The following CRACDL variants were observed in gnomAD, a reference collection of about 807,000 sequenced individuals.
The protein encoded by CRACDL is CRACD like, also known as CRACD-like protein.
Under a neutral mutation model 70.6 loss-of-function variants are expected in CRACDL, and 26 were observed. The observed-to-expected ratio is 0.37, with a 90% CI of 0.27 to 0.51. The LOEUF is 0.51. Among genes scored for constraint, CRACDL ranks in the 20% least tolerant of loss-of-function variants. CRACDL has a pLI of 0.94. For missense variants in CRACDL, 1,283 were observed against 1,376.9 expected, an observed-to-expected ratio of 0.93 and a Z score of 1.08; for synonymous variants, 618 against 615.2, an observed-to-expected ratio of 1.00 and a Z score of -0.07.
At chr2:98,900,591 A>C (rs2104655608) in intron 1 of CRACDL, among the ~76,000 whole-genome samples, 1 of 152,202 alleles carries the variant, frequency 6.6e-6, no homozygotes, top group South Asian at 2.1e-4. Context: ...CTGTGTGCAC[A>C]CGTTTGTGCA....
At chr2:98,796,842 T>G (rs1703843924) in intron 8 of CRACDL, among the ~76,000 whole-genome samples, 1 of 152,130 alleles carries the variant, frequency 6.6e-6, no homozygotes, top group Non-Finnish European at 1.5e-5. Flanking sequence ...CTGCCTTCAA[T>G]TCAGAGTACA....
chr2:98,852,547 CAA>C (rs1480948674), intron 1 of CRACDL, among the ~76,000 whole-genome samples: 1 of 151,634 alleles, frequency 6.6e-6, no homozygotes, highest in Non-Finnish European at 1.5e-5. Flanking sequence ...AAATAGCCAA[CAA>C]AGACTTTAAA....
At chr2:98,838,097 A>C in intron 3 of CRACDL, 22 bp downstream of exon 3, 1 of 1,584,648 alleles carries the variant, frequency 6.3e-7, no homozygotes, top group Non-Finnish European at 8.6e-7. Flanking sequence ...TCCTGGCCCG[A>C]GGGATGTAAA....
chr2:98,823,840 G>GTGTCTGCT lies in CRACDL; in HGVS notation c.736-311_736-304dup, dbSNP rs1705198843. Among the ~76,000 whole-genome samples the GTGTCTGCT allele has an allele frequency of 6.6e-6, 1 of 152,228 alleles. No homozygotes were observed. The highest frequency in any genetic ancestry group is 2.1e-4 in the South Asian group (1 of 4,836). ...AAGGGAAGGCGACCAACAGCAGCCA[G>GTGTCTGCT]TGTCTGCTATGCTCTGTGCTCCCAC... On this transcript the variant is annotated intron_variant, in intron 6 of 9. Coordinates refer to ENST00000397899, the MANE Select transcript of CRACDL (RefSeq NM_207362.3). This position sits in a 1 kb window ranked among gnomAD's most constrained non-coding sequence, Gnocchi z 4.0.
At chr2:98,850,225 A>G (rs1706427123) in intron 1 of CRACDL, among the ~76,000 whole-genome samples, 1 of 152,224 alleles carries the variant, frequency 6.6e-6, no homozygotes, top group Non-Finnish European at 1.5e-5. Flanking sequence ...ACTGCCAGGT[A>G]AGTGATGAAA....
At chr2:98,889,315 G>A (rs1185372668) in intron 1 of CRACDL, among the ~76,000 whole-genome samples, 9 of 139,834 alleles carry the variant, frequency 6.4e-5, no homozygotes, top group African/African-American at 2.8e-4. Flanking sequence ...AAGAAAGAAA[G>A]AAAGAAAGAA....
At position 98,846,832 on chromosome 2, in the gene CRACDL, C is replaced by T. The variant is rs188266636; in HGVS notation, c.-10-22G>A. The stretch of plus-strand genomic sequence containing the variant: ...CTCGCTGAAATTATATGGAAATTCA[C>T]GTTAAAGAAACATGGTTAGCAGAAG... On this transcript the variant is annotated intron_variant, in intron 1 of 9. Coordinates refer to ENST00000397899, the MANE Select transcript of CRACDL (RefSeq NM_207362.3). 4.7e-5 allele frequency: 75 copies of T among 1,592,588 alleles called. No homozygotes were observed. In the African/African-American group the frequency reaches 7.4e-4, roughly 16 times the overall value.
Position 98,821,188 on chromosome 2 carries a change from ATCTC to A in CRACDL, c.2416+665_2416+668del, listed in dbSNP as rs536420768. Among the ~76,000 whole-genome samples, 1,264 of 152,046 alleles carry A rather than the reference ATCTC, an allele frequency of 8.3e-3. 10 individuals are homozygous for A. Among genetic ancestry groups the A allele is most frequent in the Non-Finnish European group, 0.014 (918 of 67,956 alleles). ...TTTTCTACTCTTTATTCCTTATTTT[ATCTC>A]TCTCTTTTTAAAACAGACAGGGTCT... On this transcript the variant is annotated intron_variant, in intron 7 of 9. Transcript: ENST00000397899.
intron 7 of CRACDL, 73 bp downstream of exon 7, chr2:98,821,784 G>A: frequency 6.5e-7 from 1 of 1,545,156 alleles, no homozygotes; most frequent in Non-Finnish European, 8.7e-7. Flanking sequence ...TTTGGCGAGT[G>A]TCCAGCAAGA....
At chr2:98,803,465 T>C (rs1402489316) in intron 7 of CRACDL, among the ~76,000 whole-genome samples, 1 of 152,228 alleles carries the variant, frequency 6.6e-6, no homozygotes, top group Non-Finnish European at 1.5e-5. Flanking sequence ...AGAAACTTTT[T>C]CTTTTCATAA....
intron 2 of CRACDL, among the ~76,000 whole-genome samples, chr2:98,839,869 T>C (rs1705946900): frequency 6.6e-6 from 1 of 152,240 alleles, no homozygotes; most frequent in Non-Finnish European, 1.5e-5. Flanking sequence ...GCCTCTTTTC[T>C]CACCCTGATA....
rs750928579 is a variant in CRACDL at position 98,796,201 on chromosome 2, C to G, written c.2668G>C (p.Ala890Pro). 2.8e-5 allele frequency: 45 copies of G among 1,614,012 alleles called. No homozygotes were observed. In the Admixed American group the frequency reaches 5.8e-4, roughly 21 times the overall value. ...TTTGCCCCCTGCTTCCGGTCCACAGCGGGCTTCACAGGGGTTATCAGGAAA... is the reference window on the plus strand; with the variant it reads ...TTTGCCCCCTGCTTCCGGTCCACAGGGGGCTTCACAGGGGTTATCAGGAAA... The part of the protein sequence containing the change: ...KSFLITPVKP[A>P]VDRKQGAKLN... Residue 890 changes from alanine to proline, a missense_variant, in exon 9 of 10, where the codon GCT becomes CCT. This residue lies in a region of CRACDL where 921 missense variants were observed against 881.9 expected (regional missense o/e 1.04). Transcript: ENST00000397899.
At chr2:98,801,791 A>T (rs1704087701) in intron 7 of CRACDL, among the ~76,000 whole-genome samples, 1 of 152,200 alleles carries the variant, frequency 6.6e-6, no homozygotes, top group Non-Finnish European at 1.5e-5. Context: ...GGTTGTGAAG[A>T]TTCTGTGAGA....
intron 1 of CRACDL, among the ~76,000 whole-genome samples, chr2:98,926,591 A>G (rs1242633831): frequency 1.3e-5 from 2 of 152,136 alleles, no homozygotes; most frequent in African/African-American, 4.8e-5. Context: ...GTCTCCTGGA[A>G]CCCTTCCTCA....
At chr2:98,878,757 A>G (rs1490536784) in intron 1 of CRACDL, among the ~76,000 whole-genome samples, 2 of 152,208 alleles carry the variant, frequency 1.3e-5, no homozygotes, top group Non-Finnish European at 2.9e-5. Flanking sequence ...AAAATATTGT[A>G]GTGGCAAACG....
Position 98,821,976 on chromosome 2 carries a change from G to T in CRACDL, c.2297C>A (p.Pro766Gln). 1 of 1,531,818 alleles carries T rather than the reference G, an allele frequency of 6.5e-7. No homozygotes were observed. Among genetic ancestry groups the T allele is most frequent in the Non-Finnish European group, 8.8e-7 (1 of 1,140,260 alleles). 94.9% of individuals were successfully genotyped at this position (1,531,818 alleles called of 1,614,324 possible). The part of the protein sequence containing the change: ...LSSKPPLPRK[P>Q]LLQSFTLPHQ... ...CGGGAGCGTGAAGCTCTGCAGAAGC[G>T]GCTTCCGGGGCAGGGGCGGCTTGGA... Residue 766 changes from proline (P) to glutamine (Q), a missense_variant, in exon 7 of 10, where the codon CCG (proline) becomes CAG (glutamine). This residue lies in a region of CRACDL where 921 missense variants were observed against 881.9 expected (regional missense o/e 1.04). Coordinates refer to ENST00000397899, the MANE Select transcript of CRACDL (RefSeq NM_207362.3).
At chr2:98,870,330 T>A (rs866510108) in intron 1 of CRACDL, among the ~76,000 whole-genome samples, 1 of 152,240 alleles carries the variant, frequency 6.6e-6, no homozygotes, top group Non-Finnish European at 1.5e-5. Context: ...AAATGGCAAC[T>A]GTATATAGAA....
chr2:98,803,419 G>A (rs1204693905), intron 7 of CRACDL, among the ~76,000 whole-genome samples: 1 of 152,022 alleles, frequency 6.6e-6, no homozygotes, highest in East Asian at 1.9e-4. Context: ...ATTATGGGTG[G>A]GAGCCACTGC....
chr2:98,822,328 C>T lies in CRACDL; in HGVS notation c.1945G>A (p.Gly649Arg), dbSNP rs1218627066. 1.1e-5 allele frequency: 16 copies of T among 1,459,378 alleles called. No homozygotes were observed. The highest frequency in any genetic ancestry group is 1.3e-5 in the Non-Finnish European group (15 of 1,117,576). The allele number at this position is 1,459,378 out of a possible 1,614,324, so 90.4% of individuals were successfully genotyped here. A position where few individuals can be genotyped will look rare whatever the true frequency, so the allele number is the denominator to read the frequency against. Residue 649 changes from glycine (G) to arginine (R), a missense_variant, in exon 7 of 10, where the codon GGG (glycine) becomes AGG (arginine). Around this residue, in one of 2 missense-constraint regions of CRACDL, gnomAD observed 921 missense variants for 881.9 expected, o/e 1.04. Transcript: ENST00000397899. The surrounding 1 kb of genome is among the most constrained non-coding windows in gnomAD (Gnocchi z 4.9). ...GCCTCCTGAGGGCTCTTGCGCGGCC[C>T]GGCCGGGCTGGCCGCCCTGTCCCCC... is the stretch of plus-strand genomic sequence containing the variant. ...DSGDRAASPA[G>R]PRKSPQEAAA...
Sources: gnomAD v4.1 joint callset for allele counts (sites outside exome capture counted in the v4.1 genomes callset) on GRCh38, gnomAD v4.1.1 for gene constraint, gnomAD v4.1.1 regional missense constraint, Gnocchi (gnomAD v3.1) non-coding constraint, MANE v1.5 for transcripts, NCBI Gene and HGNC (gene_info 2026-07-23, HGNC 2026-07-21) for gene names.